BST1: variants seen among roughly 807,000 people sequenced by gnomAD.
The protein encoded by BST1 is bone marrow stromal cell antigen 1, also known as ADP-ribosyl cyclase/cyclic ADP-ribose hydrolase 2.
A neutral mutation model predicts 40.6 loss-of-function variants in BST1; 49 were observed. The ratio of observed to expected loss-of-function variants is 1.21; its 90% CI spans 0.96 to 1.53. The LOEUF is 1.53. BST1 is among the 40% of genes most tolerant of loss of function. BST1 has a pLI of 0.00. For missense variants in BST1, 423 were observed against 395.9 expected (o/e 1.07, Z -0.58); for synonymous variants, 157 against 159.3 (o/e 0.99, Z 0.11).
At chr4:15,745,815 T>C in the BST1 span, among the ~76,000 whole-genome samples, 3 of 152,270 alleles carry the variant, frequency 2.0e-5, no homozygotes, top group East Asian at 3.9e-4. Context: ...CTTTGTAGGG[T>C]TTATCTCCCA....
chr4:15,720,943 T>C (rs1179782153), intron 7 of BST1, among the ~76,000 whole-genome samples: 10 of 152,232 alleles, frequency 6.6e-5, no homozygotes, highest in Admixed American at 2.6e-4. Flanking sequence ...GGCTGAGTTA[T>C]AATAGCCGGG....
At chr4:15,717,112 C>G (rs898652337) in intron 6 of BST1, among the ~76,000 whole-genome samples, 1 of 152,144 alleles carries the variant, frequency 6.6e-6, no homozygotes, top group Non-Finnish European at 1.5e-5. Context: ...GTTCACTTAT[C>G]TCTGTGTCCA....
At chr4:15,724,145 C>T (rs917177686) in intron 8 of BST1, among the ~76,000 whole-genome samples, 2 of 152,176 alleles carry the variant, frequency 1.3e-5, no homozygotes, top group East Asian at 1.9e-4. Flanking sequence ...GATGACAGTG[C>T]TTTACTCTTC....
downstream of BST1, among the ~76,000 whole-genome samples, chr4:15,735,383 C>A (rs759453313): frequency 2.6e-5 from 4 of 152,098 alleles, no homozygotes; most frequent in African/African-American, 4.8e-5. Flanking sequence ...AGACCTTCCA[C>A]GTGTGAATGA....
At chr4:15,714,920 C>T (rs1279658236) in intron 4 of BST1, among the ~76,000 whole-genome samples, 1 of 152,206 alleles carries the variant, frequency 6.6e-6, no homozygotes, top group African/African-American at 2.4e-5. Flanking sequence ...CCCCAGTGGG[C>T]CTGTGATAAA....
At chr4:15,715,078 G>A (rs563999993) in intron 4 of BST1, among the ~76,000 whole-genome samples, 49 of 152,220 alleles carry the variant, frequency 3.2e-4, no homozygotes, top group Non-Finnish European at 6.5e-4. Flanking sequence ...TCCCAGACAT[G>A]GATTACTGAG....
chr4:15,703,850 G>A (rs1719706763), intron 1 of BST1, among the ~76,000 whole-genome samples: 1 of 147,466 alleles, frequency 6.8e-6, no homozygotes, highest in Non-Finnish European at 1.5e-5. Flanking sequence ...GTGTTCTAGA[G>A]GTGAGGGGTG....
At chr4:15,731,366 G>T in intron 8 of BST1, 1 of 511,294 alleles carries the variant, frequency 2.0e-6, no homozygotes. Context: ...TCAGTACCTC[G>T]TTTTCCATGT....
In BST1 at chr4:15,705,416, A is replaced by G. The variant is rs1719825364; in HGVS notation, c.189-99A>G. 5.9e-6 allele frequency: 8 copies of G among 1,357,686 alleles called. No individual in the cohort carries two copies. The East Asian group carries it at 1.2e-4, about 20-fold the overall frequency. 84.1% of individuals were successfully genotyped at this position (1,357,686 alleles called of 1,614,324 possible). On this transcript the variant is annotated intron_variant, in intron 1 of 8. Coordinates refer to ENST00000265016, the MANE Select transcript of BST1 (RefSeq NM_004334.3). ...GTAAGCCTACTTCTGCAGTTACTAT[A>G]TGAAAAATCTCTTGTAAAGCTCTTA...
downstream of BST1, among the ~76,000 whole-genome samples, chr4:15,735,497 A>G (rs4403048): frequency 0.34 from 50,958 of 151,970 alleles, 9,478 homozygotes; most frequent in East Asian, 0.61. Context: ...AAGGTGTGGC[A>G]TGCTTTTCTG....
In BST1 at chr4:15,718,924, G is replaced by T; in HGVS notation, c.722G>T (p.Gly241Val). The change falls in exon 7 of 9, where the codon GGC becomes GTC. Residue 241 changes from glycine (G) to valine (V), a missense_variant. Physicochemically the swap from Gly to Val is moderately radical, Grantham distance 109. Coordinates refer to ENST00000265016, the MANE Select transcript of BST1 (RefSeq NM_004334.3). ...TGTTTTAGGGAATCCTGCGGGGAAG[G>T]CAGCATGAAAGTCCTGGAAAAGAGG... Reference protein sequence around the residue: ...GGPNVESCGEGSMKVLEKRLK... With the variant: ...GGPNVESCGEVSMKVLEKRLK... The T allele has an allele frequency of 2.5e-6, 4 of 1,614,022 alleles. No individual in the cohort carries two copies. Among genetic ancestry groups the T allele is most frequent in the Non-Finnish European group, 3.4e-6 (4 of 1,179,942 alleles).
chr4:15,731,801 A>G lies in BST1; in HGVS notation c.913A>G (p.Ile305Val). Residue 305 changes from isoleucine to valine, a missense_variant, in exon 9 of 9, where the codon ATC (isoleucine) becomes GTC (valine). By Grantham distance (29) the Ile-to-Val change is conservative (BLOSUM62 3). Coordinates refer to ENST00000265016, the MANE Select transcript of BST1 (RefSeq NM_004334.3). ...SLYTEQRAGL[I>V]IPLFLVLASR... ...TTATACAGAACAAAGGGCGGGTCTTATCATTCCCCTCTTTCTGGTGCTGGC... is the reference window on the plus strand; with the variant it reads ...TTATACAGAACAAAGGGCGGGTCTTGTCATTCCCCTCTTTCTGGTGCTGGC... The G allele has an allele frequency of 1.2e-6, 2 of 1,613,886 alleles. No individual in the cohort carries two copies. Among genetic ancestry groups the G allele is most frequent in the Non-Finnish European group, 1.7e-6 (2 of 1,179,926 alleles).
intron 1 of BST1, among the ~76,000 whole-genome samples, chr4:15,703,717 GGTGTGT>G (rs777541148): frequency 7.8e-6 from 1 of 127,730 alleles, no homozygotes; most frequent in Non-Finnish European, 1.6e-5. Flanking sequence ...TAGAGGTGGG[GGTGTGT>G]GTGTGTGTGT....
the BST1 span, among the ~76,000 whole-genome samples, chr4:15,750,788 C>T: frequency 1.3e-5 from 2 of 152,122 alleles, no homozygotes; most frequent in African/African-American, 2.4e-5. Context: ...TATATTTTAA[C>T]ATTAATTGTA....
chr4:15,749,110 G>C, the BST1 span, among the ~76,000 whole-genome samples: 1 of 152,210 alleles, frequency 6.6e-6, no homozygotes, highest in African/African-American at 2.4e-5. Flanking sequence ...GGAAGCTGAG[G>C]TGTCTATCCT....
chr4:15,731,665 A>T (rs1721381165), intron 8 of BST1, 75 bp from the exon 9 acceptor site: 1 of 1,510,454 alleles, frequency 6.6e-7, no homozygotes, highest in African/African-American at 1.4e-5. Context: ...AGAGACTAAT[A>T]CTGCACATAT....
the BST1 span, among the ~76,000 whole-genome samples, chr4:15,761,840 T>G: frequency 1.3e-5 from 2 of 151,990 alleles, no homozygotes; most frequent in Admixed American, 1.3e-4. Flanking sequence ...AATGAATGAA[T>G]GAGTGAGCTT....
rs370065960 is a variant in BST1, at chr4:15,710,812, C to T, written c.452-995C>T. 2.3e-4 allele frequency among the ~76,000 whole-genome samples: 34 copies of T among 150,348 alleles called. 1 individual carries two copies. In the South Asian group the frequency reaches 4.2e-3, roughly 19 times the overall value. On this transcript the variant is annotated intron_variant, in intron 3 of 8. Transcript: ENST00000265016. ...ATTTTCTTTCTTTTTTTTTTTGAAACGGAGTCTCTGTGTGTCACCCAGGCC... is the reference window on the plus strand; with the variant it reads ...ATTTTCTTTCTTTTTTTTTTTGAAATGGAGTCTCTGTGTGTCACCCAGGCC...
At chr4:15,707,398 C>G in intron 2 of BST1, 113 bp from the exon 3 acceptor site, 1 of 1,166,066 alleles carries the variant, frequency 8.6e-7, no homozygotes, top group Admixed American at 2.0e-5. Context: ...TGTTGTGCAG[C>G]AGGTCAGAGT....
Sources: gnomAD v4.1 joint callset for allele counts (sites outside exome capture counted in the v4.1 genomes callset) on GRCh38, gnomAD v4.1.1 for gene constraint, MANE v1.5 for transcripts, NCBI Gene and HGNC (gene_info 2026-07-23, HGNC 2026-07-21) for gene names.